The following DRD5 variants were observed in gnomAD, a reference collection of about 807,000 sequenced individuals.
DRD5 encodes the protein dopamine receptor D5.
For synonymous variants in DRD5, 327 were observed against 277.1 expected (o/e 1.18, Z -1.79); for missense variants, 758 against 657.8 (o/e 1.15, Z -1.67).
Position 9,781,671 on chromosome 4 carries a change from CCT to C in DRD5, c.-357_-356del, listed in dbSNP as rs1315631401. On this transcript the variant is annotated 5_prime_UTR_variant, in exon 1 of 1. Coordinates refer to ENST00000304374, the MANE Select transcript of DRD5 (RefSeq NM_000798.5). ...GCGCCCGCGACTGCCTGCCCCAGCCCCTCAGTGGCGGCTTGCTCTCTTCTCTC... is the reference window on the plus strand; with the variant it reads ...GCGCCCGCGACTGCCTGCCCCAGCCCCAGTGGCGGCTTGCTCTCTTCTCTC... 1.5e-5 allele frequency: 3 copies of C among 206,894 alleles called. No individual in the cohort carries two copies. Among genetic ancestry groups the C allele is most frequent in the African/African-American group, 2.3e-5 (1 of 43,634 alleles). 12.8% of individuals were successfully genotyped at this position (206,894 alleles called of 1,614,324 possible). A position where few individuals can be genotyped will look rare whatever the true frequency, so the allele number is the denominator to read the frequency against.
chr4:9,783,487 G>A lies in DRD5; in HGVS notation c.*24G>A. 1 of 1,575,628 alleles carries A rather than the reference G, an allele frequency of 6.3e-7. No individual in the cohort carries two copies. The highest frequency in any genetic ancestry group is 1.2e-5 in the South Asian group (1 of 83,984). ...AAACTGCATTAAGAAACCCCCTCAT[G>A]GATCTGCATAACCGCACAGACATTG... On this transcript the variant is annotated 3_prime_UTR_variant, in exon 1 of 1. Transcript: ENST00000304374.
In DRD5 at chr4:9,781,950, G is replaced by C. The variant is rs1426640139; in HGVS notation, c.-80G>C. 9 of 1,246,766 alleles carry C rather than the reference G, an allele frequency of 7.2e-6. No individual in the cohort carries two copies. Among genetic ancestry groups the C allele is most frequent in the South Asian group, 1.8e-5 (1 of 55,858 alleles). The allele number at this position is 1,246,766 out of a possible 1,614,324, so 77.2% of individuals were successfully genotyped here. A position where few individuals can be genotyped will look rare whatever the true frequency, so the allele number is the denominator to read the frequency against. Reference sequence around the variant, plus strand: ...CCTTGGCTGAGGGGGCGCATCCTCGGGGTGCCCGATGGGGCTGCCTGGGGG... The same window carrying C: ...CCTTGGCTGAGGGGGCGCATCCTCGCGGTGCCCGATGGGGCTGCCTGGGGG... On this transcript the variant is annotated 5_prime_UTR_variant, in exon 1 of 1. Transcript: ENST00000304374.
chr4:9,782,914 C>G lies in DRD5; in HGVS notation c.885C>G (p.Leu295=). 2.5e-6 allele frequency: 4 copies of G among 1,613,994 alleles called. No individual in the cohort carries two copies. Among genetic ancestry groups the G allele is most frequent in the Non-Finnish European group, 3.4e-6 (4 of 1,180,014 alleles). Reference sequence around the variant, plus strand: ...CCATCAAGAAGGAGACCAAGGTTCTCAAGACCCTGTCGGTGATCATGGGGG... The same window carrying G: ...CCATCAAGAAGGAGACCAAGGTTCTGAAGACCCTGTCGGTGATCATGGGGG... ...RASIKKETKV[L]KTLSVIMGVF... The change falls in exon 1 of 1, where the codon CTC becomes CTG. Residue 295 remains leucine (L), a synonymous_variant. Coordinates refer to ENST00000304374, the MANE Select transcript of DRD5 (RefSeq NM_000798.5).
Position 9,783,199 on chromosome 4 carries a change from C to T in DRD5, c.1170C>T (p.Ser390=). Residue 390 remains serine (S), a synonymous_variant, in exon 1 of 1, where the codon AGC becomes AGT. Coordinates refer to ENST00000304374, the MANE Select transcript of DRD5 (RefSeq NM_000798.5). The part of the protein sequence containing the change: ...SRTPVETVNI[S]NELISYNQDI... ...CGCCGGTGGAGACGGTGAACATCAG[C>T]AATGAGCTCATCTCCTACAACCAAG... 9 of 1,614,214 alleles carry T rather than the reference C, an allele frequency of 5.6e-6. No individual in the cohort carries two copies. The highest frequency in any genetic ancestry group is 7.6e-6 in the Non-Finnish European group (9 of 1,180,044).
At position 9,783,459 on chromosome 4, in the gene DRD5, A is replaced by G. The variant is rs755432095; in HGVS notation, c.1430A>G (p.His477Arg). 1.6e-5 allele frequency: 26 copies of G among 1,598,360 alleles called. No individual in the cohort carries two copies. The highest frequency in any genetic ancestry group is 2.2e-5 in the Non-Finnish European group (26 of 1,171,372). Residue 477 changes from histidine (H) to arginine (R), a missense_variant, in exon 1 of 1, where the codon CAT (histidine) becomes CGT (arginine). Physicochemically the swap from His to Arg is conservative, Grantham distance 29 (BLOSUM62 0). Coordinates refer to ENST00000304374, the MANE Select transcript of DRD5 (RefSeq NM_000798.5). ...ACACCTTTCACCCCGAATGGATTCC[A>G]TTAAACTGCATTAAGAAACCCCCTC... ...KITPFTPNGF[H>R]
rs1967551 is a variant in DRD5, at chr4:9,783,510, T to C, written c.*47T>C. ...ATGGATCTGCATAACCGCACAGACA[T>C]TGACAAGCACGCACACACACGCAAA... On this transcript the variant is annotated 3_prime_UTR_variant, in exon 1 of 1. Transcript: ENST00000304374. 0.61 allele frequency: 927,336 copies of C among 1,525,428 alleles called. 287,370 individuals carry two copies. The highest frequency in any genetic ancestry group is 0.64 in the Non-Finnish European group (726,264 of 1,128,044). The allele number at this position is 1,525,428 out of a possible 1,614,324, so 94.5% of individuals were successfully genotyped here. A position where few individuals can be genotyped will look rare whatever the true frequency, so the allele number is the denominator to read the frequency against.
Position 9,783,298 on chromosome 4 carries a change from G to A in DRD5, c.1269G>A (p.Arg423=). Residue 423 remains arginine, a synonymous_variant, in exon 1 of 1, where the codon CGG becomes CGA. Coordinates refer to ENST00000304374, the MANE Select transcript of DRD5 (RefSeq NM_000798.5). The part of the protein sequence containing the change: ...MMPNAVTPGN[R]EVDNDEEEGP... ...CCAACGCCGTTACCCCCGGCAACCGGGAGGTGGACAACGACGAGGAGGAGG... is the reference window on the plus strand; with the variant it reads ...CCAACGCCGTTACCCCCGGCAACCGAGAGGTGGACAACGACGAGGAGGAGG... The A allele has an allele frequency of 6.2e-7, 1 of 1,614,214 alleles. No individual in the cohort carries two copies. Among genetic ancestry groups the A allele is most frequent in the Non-Finnish European group, 8.5e-7 (1 of 1,180,040 alleles).
At position 9,782,174 on chromosome 4, in the gene DRD5, C is replaced by T. The variant is rs769046341; in HGVS notation, c.145C>T (p.Leu49=). The part of the protein sequence containing the change: ...SQVVTACLLT[L]LIIWTLLGNV... ...GGTGGTCACCGCCTGCCTGCTGACC[C>T]TACTCATCATCTGGACCCTGCTGGG... The change falls in exon 1 of 1, where the codon CTA becomes TTA. Residue 49 remains leucine, a synonymous_variant. Coordinates refer to ENST00000304374, the MANE Select transcript of DRD5 (RefSeq NM_000798.5). 1.2e-4 allele frequency: 187 copies of T among 1,600,030 alleles called. No homozygotes were observed. Among genetic ancestry groups the T allele is most frequent in the Non-Finnish European group, 1.5e-4 (179 of 1,172,874 alleles).
rs1225867119 is a variant in DRD5, at chr4:9,782,607, T to G, written c.578T>G (p.Leu193Arg). The G allele has an allele frequency of 1.2e-6, 2 of 1,613,858 alleles. No homozygotes were observed. Among genetic ancestry groups the G allele is most frequent in the Non-Finnish European group, 1.7e-6 (2 of 1,179,874 alleles). Residue 193 changes from leucine (L) to arginine (R), a missense_variant, in exon 1 of 1, where the codon CTG (leucine) becomes CGG (arginine). Coordinates refer to ENST00000304374, the MANE Select transcript of DRD5 (RefSeq NM_000798.5). ...GCGGCCTCTTGGGGCGGGCTGGACCTGCCAAACAACCTGGCCAACTGGACG... is the reference window on the plus strand; with the variant it reads ...GCGGCCTCTTGGGGCGGGCTGGACCGGCCAAACAACCTGGCCAACTGGACG... ...DQAASWGGLD[L>R]PNNLANWTPW...
chr4:9,782,617 C>T lies in DRD5; in HGVS notation c.588C>T (p.Asn196=). Residue 196 remains asparagine, a synonymous_variant, in exon 1 of 1, where the codon AAC becomes AAT. Coordinates refer to ENST00000304374, the MANE Select transcript of DRD5 (RefSeq NM_000798.5). ...GGGGCGGGCTGGACCTGCCAAACAACCTGGCCAACTGGACGCCCTGGGAGG... is the reference window on the plus strand; with the variant it reads ...GGGGCGGGCTGGACCTGCCAAACAATCTGGCCAACTGGACGCCCTGGGAGG... ...ASWGGLDLPN[N]LANWTPWEED... The T allele has an allele frequency of 6.2e-7, 1 of 1,613,984 alleles. No homozygotes were observed. The highest frequency in any genetic ancestry group is 8.5e-7 in the Non-Finnish European group (1 of 1,179,876).
rs1015371380 is a variant in DRD5 at position 9,782,552 on chromosome 4, C to T, written c.523C>T (p.Pro175Ser). ...WTLSILISFI[P>S]VQLNWHRDQA... ...CTTGTCCATCCTCATCTCCTTCATT[C>T]CGGTCCAGCTCAACTGGCACAGGGA... The change falls in exon 1 of 1, where the codon CCG (proline) becomes TCG (serine). Residue 175 changes from proline (P) to serine (S), a missense_variant. Coordinates refer to ENST00000304374, the MANE Select transcript of DRD5 (RefSeq NM_000798.5). 8.7e-6 allele frequency: 14 copies of T among 1,613,860 alleles called. No homozygotes were observed. The highest frequency in any genetic ancestry group is 1.3e-5 in the African/African-American group (1 of 74,940).
At position 9,782,109 on chromosome 4, in the gene DRD5, TG is replaced by T; in HGVS notation, c.86del (p.Gly29AlafsTer19). On this transcript the variant is annotated frameshift_variant, in exon 1 of 1. Transcript: ENST00000304374. LOFTEE classifies it low-confidence loss of function (END_TRUNC). ...LYQQLAQGNA[V>X]GGSAGAPPLG... ...CAGCAGCTGGCGCAGGGGAACGCCG[TG>T]GGGGGCTCGGCGGGGGCACCGCCAC... 2 of 1,546,230 alleles carry T rather than the reference TG, an allele frequency of 1.3e-6. No homozygotes were observed. Among genetic ancestry groups the T allele is most frequent in the Non-Finnish European group, 8.7e-7 (1 of 1,146,288 alleles).
chr4:9,782,425 C>G lies in DRD5; in HGVS notation c.396C>G (p.Cys132Trp). The G allele has an allele frequency of 6.2e-7, 1 of 1,614,012 alleles. No homozygotes were observed. Among genetic ancestry groups the G allele is most frequent in the South Asian group, 1.1e-5 (1 of 91,080 alleles). The change falls in exon 1 of 1, where the codon TGC (cysteine) becomes TGG (tryptophan). Residue 132 changes from cysteine (C) to tryptophan (W), a missense_variant. By Grantham distance (215) the Cys-to-Trp change is radical. Coordinates refer to ENST00000304374, the MANE Select transcript of DRD5 (RefSeq NM_000798.5). Reference protein sequence around the residue: ...MCSTASILNLCVISVDRYWAI... With the variant: ...MCSTASILNLWVISVDRYWAI... ...CCACTGCCTCCATCCTGAACCTGTG[C>G]GTCATCAGCGTGGACCGCTACTGGG...
rs768752880 is a variant in DRD5 at position 9,782,013 on chromosome 4, C to A, written c.-17C>A. The A allele has an allele frequency of 1.0e-5, 15 of 1,448,228 alleles. No homozygotes were observed. The highest frequency in any genetic ancestry group is 1.4e-5 in the Non-Finnish European group (15 of 1,104,822). 89.7% of individuals were successfully genotyped at this position (1,448,228 alleles called of 1,614,324 possible). A position where few individuals can be genotyped will look rare whatever the true frequency, so the allele number is the denominator to read the frequency against. On this transcript the variant is annotated 5_prime_UTR_variant, in exon 1 of 1. In the 5' UTR this introduces an upstream ATG that the reference lacks. Transcript: ENST00000304374. ...AGTTGGGACCGCGCACAGACCGCCCCTGCAGTCCAGCCCGAAATGCTGCCG... is the reference window on the plus strand; with the variant it reads ...AGTTGGGACCGCGCACAGACCGCCCATGCAGTCCAGCCCGAAATGCTGCCG...
rs557760549 is a variant in DRD5, at chr4:9,783,296, C to T, written c.1267C>T (p.Arg423Trp). 3 of 1,614,208 alleles carry T rather than the reference C, an allele frequency of 1.9e-6. No homozygotes were observed. The highest frequency in any genetic ancestry group is 2.2e-5 in the East Asian group (1 of 44,870). Residue 423 changes from arginine (R) to tryptophan (W), a missense_variant, in exon 1 of 1, where the codon CGG (arginine) becomes TGG (tryptophan). Transcript: ENST00000304374. ...MMPNAVTPGN[R>W]EVDNDEEEGP... ...GCCCAACGCCGTTACCCCCGGCAAC[C>T]GGGAGGTGGACAACGACGAGGAGGA...
At position 9,783,589 on chromosome 4, in the gene DRD5, G is replaced by C. The variant is rs181467183; in HGVS notation, c.*126G>C. On this transcript the variant is annotated 3_prime_UTR_variant, in exon 1 of 1. Transcript: ENST00000304374. ...ATCATGTGTTTCTGTGTAGTAGCTCGTGTGCTTAGAAACCTCACCCCATTG... is the reference window on the plus strand; with the variant it reads ...ATCATGTGTTTCTGTGTAGTAGCTCCTGTGCTTAGAAACCTCACCCCATTG... 3,385 of 934,762 alleles carry C rather than the reference G, an allele frequency of 3.6e-3. 9 individuals carry two copies. The highest frequency in any genetic ancestry group is 3.5e-3 in the Non-Finnish European group (2,178 of 630,662). 57.9% of individuals were successfully genotyped at this position (934,762 alleles called of 1,614,324 possible).
In DRD5 at chr4:9,781,883, C is replaced by T; in HGVS notation, c.-147C>T. On this transcript the variant is annotated 5_prime_UTR_variant, in exon 1 of 1. Coordinates refer to ENST00000304374, the MANE Select transcript of DRD5 (RefSeq NM_000798.5). ...GAGAAGTCCCCGCGCGCTCCGCAGC[C>T]CGGCGCAGCTCATGGTGAGCGCCCT... 1 of 668,346 alleles carries T rather than the reference C, an allele frequency of 1.5e-6. No homozygotes were observed. The highest frequency in any genetic ancestry group is 3.1e-5 in the East Asian group (1 of 31,986). The allele number at this position is 668,346 out of a possible 1,614,324, so 41.4% of individuals were successfully genotyped here.
chr4:9,782,382 C>T lies in DRD5; in HGVS notation c.353C>T (p.Ala118Val). 1.9e-6 allele frequency: 3 copies of T among 1,614,024 alleles called. No homozygotes were observed. Residue 118 changes from alanine (A) to valine (V), a missense_variant, in exon 1 of 1, where the codon GCC (alanine) becomes GTC (valine). Coordinates refer to ENST00000304374, the MANE Select transcript of DRD5 (RefSeq NM_000798.5). ...PFGAFCDVWV[A>V]FDIMCSTASI... is the part of the protein sequence containing the mutation. The stretch of plus-strand genomic sequence containing the variant: ...GGAGCGTTCTGCGACGTCTGGGTGG[C>T]CTTCGACATCATGTGCTCCACTGCC...
In DRD5 at chr4:9,782,906, A is replaced by G. The variant is rs759345301; in HGVS notation, c.877A>G (p.Lys293Glu). 23 of 1,613,826 alleles carry G rather than the reference A, an allele frequency of 1.4e-5. No individual in the cohort carries two copies. Among genetic ancestry groups the G allele is most frequent in the Admixed American group, 3.3e-5 (2 of 60,004 alleles). ...GCGCGCTTCCATCAAGAAGGAGACC[A>G]AGGTTCTCAAGACCCTGTCGGTGAT... Reference protein sequence around the residue: ...SLRASIKKETKVLKTLSVIMG... With the variant: ...SLRASIKKETEVLKTLSVIMG... The change falls in exon 1 of 1, where the codon AAG (lysine) becomes GAG (glutamate). Residue 293 changes from lysine to glutamate, a missense_variant. Coordinates refer to ENST00000304374, the MANE Select transcript of DRD5 (RefSeq NM_000798.5).
Sources: allele counts gnomAD v4.1 joint callset, GRCh38; gene constraint gnomAD v4.1.1; transcripts MANE v1.5; gene names NCBI Gene and HGNC (gene_info 2026-07-23, HGNC 2026-07-21).